The following APPBP2 variants were observed in gnomAD, a reference collection of about 807,000 sequenced individuals.
APPBP2 encodes the protein amyloid beta precursor protein binding protein 2.
A neutral mutation model predicts 76.0 loss-of-function variants in APPBP2; 15 were observed. That is an observed-to-expected ratio of 0.20 (90% confidence interval 0.13 to 0.30). APPBP2 has a LOEUF of 0.30. Among genes scored for constraint, APPBP2 ranks in the 10% least tolerant of loss-of-function variants. The pLI is 1.00. For synonymous variants in APPBP2, 222 were observed against 242.2 expected (o/e 0.92, Z 0.77); for missense variants, 401 against 687.2 (o/e 0.58, Z 4.66).
At chr17:60,523,322 A>C (rs1348088087) in intron 1 of APPBP2, among the ~76,000 whole-genome samples, 1 of 151,672 alleles carries the variant, frequency 6.6e-6, no homozygotes, top group African/African-American at 2.4e-5. Context: ...GACCTCATCT[A>C]TACTAAAAAT....
chr17:60,524,497 A>G (rs950585652), intron 1 of APPBP2, among the ~76,000 whole-genome samples: 3 of 151,706 alleles, frequency 2.0e-5, no homozygotes, highest in Non-Finnish European at 2.9e-5. Flanking sequence ...AATAATACGC[A>G]TGACCTAAAT....
intron 9 of APPBP2, among the ~76,000 whole-genome samples, chr17:60,458,865 C>T (rs559089123): frequency 4.6e-5 from 7 of 151,850 alleles, no homozygotes; most frequent in African/African-American, 7.2e-5. Flanking sequence ...CTCCGACTCC[C>T]GGGTTCAAGC....
intron 4 of APPBP2, among the ~76,000 whole-genome samples, chr17:60,470,212 T>G (rs1567924205): frequency 6.6e-6 from 1 of 152,154 alleles, no homozygotes; most frequent in East Asian, 1.9e-4. Context: ...CTTACCGGTC[T>G]TTTGTGTATC....
chr17:60,475,479 C>T (rs1045095940), intron 4 of APPBP2, among the ~76,000 whole-genome samples: 4 of 152,186 alleles, frequency 2.6e-5, no homozygotes, highest in African/African-American at 9.6e-5. Context: ...ACTGGGTCTT[C>T]ATGTATTTGA....
intron 1 of APPBP2, among the ~76,000 whole-genome samples, chr17:60,503,646 A>G (rs927727896): frequency 6.8e-6 from 1 of 146,568 alleles, no homozygotes; most frequent in Non-Finnish European, 1.5e-5. Context: ...TTAGCCTCCC[A>G]ATGTGCTGGG....
At chr17:60,499,611 G>A (rs138251061) in intron 2 of APPBP2, among the ~76,000 whole-genome samples, 158 of 152,220 alleles carry the variant, frequency 1.0e-3, no homozygotes, top group African/African-American at 3.7e-3. Flanking sequence ...ATATTTCTAC[G>A]CTCATGTTCA....
At chr17:60,451,776 G>A in intron 12 of APPBP2, 104 bp downstream of exon 12, 1 of 1,043,620 alleles carries the variant, frequency 9.6e-7, no homozygotes, top group Non-Finnish European at 1.4e-6. Context: ...ACCGCACCCA[G>A]CCCCATTTAA....
chr17:60,466,456 C>T lies in APPBP2; in HGVS notation c.507G>A (p.Leu169=), dbSNP rs530720536. The T allele has an allele frequency of 1.9e-6, 3 of 1,611,218 alleles. No homozygotes were observed. Among genetic ancestry groups the T allele is most frequent in the African/African-American group, 1.3e-5 (1 of 75,028 alleles). The change falls in exon 5 of 13, where the codon TTG becomes TTA. Residue 169 remains leucine (L), a synonymous_variant. Coordinates refer to ENST00000083182, the MANE Select transcript of APPBP2 (RefSeq NM_006380.5). The part of the protein sequence containing the change: ...WFRAVECCVR[L]LHVRNGNCKY... ...TGCAGTTTCCATTTCGCACATGAAG[C>T]AACCTATAAAACACCAATAACATTG... is the stretch of plus-strand genomic sequence containing the variant.
intron 9 of APPBP2, chr17:60,459,454 G>A (rs2090458885): frequency 6.7e-6 from 1 of 149,112 alleles, no homozygotes; most frequent in Non-Finnish European, 1.5e-5. Flanking sequence ...TAATTAGATA[G>A]ATGTCCACCT....
At chr17:60,455,596 G>A (rs895448574) in intron 10 of APPBP2, among the ~76,000 whole-genome samples, 5 of 152,128 alleles carry the variant, frequency 3.3e-5, no homozygotes, top group African/African-American at 9.7e-5. Context: ...TGCAACATTC[G>A]GGGTAACCTG....
intron 9 of APPBP2, 105 bp downstream of exon 9, chr17:60,460,558 A>G (rs1210714893): frequency 8.8e-7 from 1 of 1,138,414 alleles, no homozygotes. Context: ...TCCATAAAGT[A>G]TATCAAGTAC....
intron 12 of APPBP2, among the ~76,000 whole-genome samples, chr17:60,450,447 A>G (rs1914121585): frequency 1.3e-5 from 2 of 151,180 alleles, no homozygotes; most frequent in African/African-American, 4.9e-5. Context: ...CAAAAAAAAA[A>G]AAAAAGAAAA....
chr17:60,512,993 C>G (rs1261590372), intron 1 of APPBP2, among the ~76,000 whole-genome samples: 1 of 128,884 alleles, frequency 7.8e-6, no homozygotes, highest in Non-Finnish European at 1.6e-5. Flanking sequence ...GGAGCCTATT[C>G]AAAAGGGAAC....
intron 1 of APPBP2, chr17:60,513,070 A>G (rs2090930722): frequency 5.0e-6 from 1 of 198,880 alleles, no homozygotes; most frequent in South Asian, 1.1e-4. Flanking sequence ...TTCCAGCAGT[A>G]CTTGGGTGTT....
At chr17:60,487,349 T>C (rs2090688245) in intron 3 of APPBP2, among the ~76,000 whole-genome samples, 1 of 152,086 alleles carries the variant, frequency 6.6e-6, no homozygotes, top group Admixed American at 6.5e-5. Flanking sequence ...GTAGATTTGG[T>C]ATTTTCACAT....
chr17:60,506,411 T>C (rs1218540286), intron 1 of APPBP2, among the ~76,000 whole-genome samples: 1 of 152,218 alleles, frequency 6.6e-6, no homozygotes, highest in Non-Finnish European at 1.5e-5. Flanking sequence ...TGCTACTACC[T>C]CTACATGAAG....
chr17:60,500,595 T>C, intron 1 of APPBP2, 108 bp from the exon 2 acceptor site: 1 of 776,000 alleles, frequency 1.3e-6, no homozygotes, highest in Non-Finnish European at 2.1e-6. Flanking sequence ...GATGCTTATG[T>C]TAAGAGAAAT....
At chr17:60,453,200 C>CT (rs910025865) in intron 11 of APPBP2, among the ~76,000 whole-genome samples, 38 of 151,252 alleles carry the variant, frequency 2.5e-4, no homozygotes, top group African/African-American at 7.0e-4. Flanking sequence ...ATATATTAAT[C>CT]TTTTTTTTTG....
intron 1 of APPBP2, among the ~76,000 whole-genome samples, chr17:60,512,808 T>C (rs1219186607): frequency 1.1e-4 from 13 of 115,310 alleles, no homozygotes; most frequent in Non-Finnish European, 1.9e-4. Context: ...CACTCCAGCC[T>C]AGGCAACAGA....
Sources: gnomAD v4.1 joint callset for allele counts (sites outside exome capture counted in the v4.1 genomes callset) on GRCh38, gnomAD v4.1.1 for gene constraint, MANE v1.5 for transcripts, NCBI Gene and HGNC (gene_info 2026-07-23, HGNC 2026-07-21) for gene names.